VPS13A: variants seen among roughly 807,000 people sequenced by gnomAD.
VPS13A encodes vacuolar protein sorting 13 homolog A.
A neutral mutation model predicts 390.9 loss-of-function variants in VPS13A; 264 were observed. That is an observed-to-expected ratio of 0.68 (90% CI 0.61 to 0.75). VPS13A has a LOEUF of 0.75. Among genes scored for constraint, VPS13A ranks in the 30% least tolerant of loss-of-function variants. The pLI, the probability that VPS13A is intolerant of heterozygous loss-of-function variation, is 0.00. For missense variants in VPS13A, 3,409 were observed against 3,733.9 expected, an observed-to-expected ratio of 0.91 and a Z score of 2.27; for synonymous variants, 1,231 against 1,227.1, an observed-to-expected ratio of 1.00 and a Z score of -0.07.
chr9:77,184,705 T>TAA (rs1824228011), intron 1 of VPS13A, among the ~76,000 whole-genome samples: 1 of 152,204 alleles, frequency 6.6e-6, no homozygotes, highest in Non-Finnish European at 1.5e-5. Flanking sequence ...TTTTCTTTTT[T>TAA]AATCTGTTGG....
chr9:77,250,181 T>G lies in VPS13A; in HGVS notation c.2122T>G (p.Ser708Ala). 6.2e-7 allele frequency: 1 copy of G among 1,613,886 alleles called. No individual in the cohort carries two copies. Among genetic ancestry groups the G allele is most frequent in the Non-Finnish European group, 8.5e-7 (1 of 1,179,906 alleles). The change falls in exon 21 of 72, where the codon TCA becomes GCA. Residue 708 changes from serine to alanine, a missense_variant. Ser to Ala is a moderately conservative substitution (Grantham distance 99). Around this residue, in one of 5 missense-constraint regions of VPS13A, gnomAD observed 2,717 missense variants for 2,917.4 expected, o/e 0.93. Transcript: ENST00000360280. ...AGAGATAATGGATAGAGCTTATGAT[T>G]CATTTGATATTCAACTTACAAGTGT... ...LKEIMDRAYD[S>A]FDIQLTSVQL...
intron 23 of VPS13A, 110 bp from the exon 24 acceptor site, chr9:77,273,170 A>T: frequency 1.2e-6 from 1 of 821,150 alleles, no homozygotes; most frequent in Non-Finnish European, 2.0e-6. Context: ...GTTAATTCAA[A>T]TTGGATAGCT....
chr9:77,371,282 C>A, intron 67 of VPS13A, 133 bp downstream of exon 67: 1 of 1,277,678 alleles, frequency 7.8e-7, no homozygotes, highest in Non-Finnish European at 1.1e-6. Flanking sequence ...CATAATACCA[C>A]AGACTGGGTA....
chr9:77,303,142 TG>T, intron 34 of VPS13A, 80 bp downstream of exon 34: 1 of 1,477,968 alleles, frequency 6.8e-7, no homozygotes, highest in Non-Finnish European at 9.4e-7. Flanking sequence ...ATCATTTGAG[TG>T]GAATTTGTAT....
chr9:77,348,273 C>T (rs1449866759), intron 52 of VPS13A, among the ~76,000 whole-genome samples: 1 of 152,140 alleles, frequency 6.6e-6, no homozygotes, highest in Non-Finnish European at 1.5e-5. Flanking sequence ...TACATATACA[C>T]CATGGATACT....
At chr9:77,302,833 A>G in intron 33 of VPS13A, 82 bp from the exon 34 acceptor site, 2 of 1,407,446 alleles carry the variant, frequency 1.4e-6, no homozygotes, top group African/African-American at 1.4e-5. Flanking sequence ...TTTGCATATA[A>G]AAGGATAAAT....
chr9:77,411,198 T>C (rs901281703), intron 71 of VPS13A, among the ~76,000 whole-genome samples: 2 of 152,054 alleles, frequency 1.3e-5, no homozygotes, highest in East Asian at 3.9e-4. Context: ...ACTGGGTACA[T>C]AACGAAATGA....
chr9:77,193,919 T>C (rs1233924276), intron 1 of VPS13A, among the ~76,000 whole-genome samples: 1 of 152,186 alleles, frequency 6.6e-6, no homozygotes, highest in Non-Finnish European at 1.5e-5. Context: ...AGCTCAGCAC[T>C]CCTGGCATGC....
Position 77,323,136 on chromosome 9 carries a change from G to GA in VPS13A, c.5901dup (p.His1968ThrfsTer7). 1 of 1,613,546 alleles carries GA rather than the reference G, an allele frequency of 6.2e-7. No homozygotes were observed. The highest frequency in any genetic ancestry group is 8.5e-7 in the Non-Finnish European group (1 of 1,179,624). ...GTGGGACGACGTCTGTACACTGTAA[G>GA]ACACAGAGAGTCTGGCGTTGAAAGA... On this transcript the variant is annotated frameshift_variant, in exon 45 of 72. Coordinates refer to ENST00000360280, the MANE Select transcript of VPS13A (RefSeq NM_033305.3). LOFTEE classifies it high-confidence loss of function.
intron 34 of VPS13A, among the ~76,000 whole-genome samples, chr9:77,304,370 G>A (rs1324624001): frequency 6.6e-6 from 1 of 151,704 alleles, no homozygotes. Context: ...TAAAGTACAG[G>A]TCTTTTTCAA....
chr9:77,286,401 T>C (rs1827326930), intron 31 of VPS13A, among the ~76,000 whole-genome samples: 1 of 152,222 alleles, frequency 6.6e-6, no homozygotes, highest in Non-Finnish European at 1.5e-5. Context: ...CCAGTCTTTA[T>C]GCTGGTATCA....
chr9:77,359,229 T>C, intron 57 of VPS13A, 104 bp from the exon 58 acceptor site: 1 of 930,296 alleles, frequency 1.1e-6, no homozygotes, highest in Non-Finnish European at 1.7e-6. Flanking sequence ...TGATATTTAT[T>C]ATTTAGTAAA....
intron 65 of VPS13A, 84 bp from the exon 66 acceptor site, chr9:77,370,806 C>T (rs1832707759): frequency 6.4e-7 from 1 of 1,560,206 alleles, no homozygotes; most frequent in African/African-American, 1.4e-5. Flanking sequence ...AAGCAGAACT[C>T]TGTATTTTTT....
chr9:77,283,322 C>A (rs1172637243), intron 29 of VPS13A, 33 bp from the exon 30 acceptor site: 3 of 1,292,592 alleles, frequency 2.3e-6, no homozygotes, highest in Non-Finnish European at 3.4e-6. Flanking sequence ...AATGTTTTTC[C>A]TCATGTTTTA....
intron 10 of VPS13A, among the ~76,000 whole-genome samples, chr9:77,218,137 A>T (rs546505968): frequency 4.0e-5 from 5 of 126,276 alleles, no homozygotes; most frequent in Admixed American, 8.9e-5. Flanking sequence ...TTTTGGAGAC[A>T]GAGTCTTGCT....
intron 13 of VPS13A, among the ~76,000 whole-genome samples, chr9:77,222,005 C>A (rs944022196): frequency 3.3e-5 from 5 of 152,034 alleles, no homozygotes; most frequent in Admixed American, 2.6e-4. Context: ...TTAATCTTGT[C>A]TTTTAGCATT....
At chr9:77,277,565 T>C (rs1182378789) in intron 26 of VPS13A, among the ~76,000 whole-genome samples, 1 of 152,208 alleles carries the variant, frequency 6.6e-6, no homozygotes, top group African/African-American at 2.4e-5. Context: ...AAAAATCCTC[T>C]GTGCTCCACC....
chr9:77,392,707 TAAA>T (rs1206954196), intron 68 of VPS13A, among the ~76,000 whole-genome samples: 2 of 150,920 alleles, frequency 1.3e-5, no homozygotes, highest in Admixed American at 6.6e-5. Context: ...ATCACGTCGT[TAAA>T]AAACTATATA....
chr9:77,364,787 T>C (rs1418579692), intron 59 of VPS13A, among the ~76,000 whole-genome samples: 2 of 152,160 alleles, frequency 1.3e-5, no homozygotes, highest in African/African-American at 4.8e-5. Context: ...CTTAAATTTG[T>C]TGTTGTTGTT....
Sources: gnomAD v4.1 joint callset for allele counts (sites outside exome capture counted in the v4.1 genomes callset) on GRCh38, gnomAD v4.1.1 for gene constraint, gnomAD v4.1.1 regional missense constraint, MANE v1.5 for transcripts, NCBI Gene and HGNC (gene_info 2026-07-23, HGNC 2026-07-21) for gene names.